Variants in SHROOM4 observed in about 807,000 individuals in gnomAD.
SHROOM4 encodes the protein shroom family member 4.
SHROOM4 carries 17 observed loss-of-function variants against 80.3 expected under a neutral mutation model. The ratio of observed to expected loss-of-function variants is 0.21; its 90% CI spans 0.14 to 0.32. The LOEUF is 0.32. Ranked by LOEUF, SHROOM4 falls within the 10% of genes least tolerant of loss-of-function variation. The pLI is 1.00. For synonymous variants in SHROOM4, 400 were observed against 437.5 expected (o/e 0.91, Z 1.07); for missense variants, 993 against 1,140.3 (o/e 0.87, Z 1.86).
chrX:50,647,269 T>C (rs1931876049), intron 2 of SHROOM4, among the ~76,000 whole-genome samples: 1 of 111,132 alleles, frequency 9.0e-6, no homozygotes, highest in Admixed American at 9.5e-5. Context: ...GGCAAAGAGG[T>C]GGATAGTGAA....
intron 5 of SHROOM4, among the ~76,000 whole-genome samples, chrX:50,626,863 G>C (rs782099812): frequency 5.9e-4 from 66 of 111,865 alleles, no homozygotes; most frequent in Non-Finnish European, 1.2e-3. Flanking sequence ...GCTTCCTGCT[G>C]TTCTTTTGCT....
intron 2 of SHROOM4, among the ~76,000 whole-genome samples, chrX:50,660,578 T>A: frequency 3.7e-5 from 1 of 26,708 alleles, no homozygotes; most frequent in Non-Finnish European, 6.4e-5. Context: ...CTCCCTCCCT[T>A]CCTCCCTCCC....
At position 50,735,637 on chromosome X, in the gene SHROOM4, G is replaced by GA. The variant is rs558876303; in HGVS notation, c.118-39701dup. On this transcript the variant is annotated intron_variant, in intron 1 of 8. Transcript: ENST00000376020. ...ATGATAAAGAGAAAAACAAGTCAAT[G>GA]AAAAAAAAACAGACAAAGGATATGA... Among the ~76,000 whole-genome samples the GA allele has an allele frequency of 8.8e-4, 94 of 106,644 alleles. 2 individuals carry two copies. The South Asian group carries it at 0.031, about 35-fold the overall frequency. 92.6% of individuals were successfully genotyped at this position (106,644 alleles called of 115,157 possible). A position where few individuals can be genotyped will look rare whatever the true frequency, so the allele number is the denominator to read the frequency against.
chrX:50,605,557 T>C (rs1225948090), intron 6 of SHROOM4, among the ~76,000 whole-genome samples: 1 of 112,555 alleles, frequency 8.9e-6, no homozygotes, highest in Non-Finnish European at 1.9e-5. Flanking sequence ...CAAAGGGAGC[T>C]ACACAAAGAA....
chrX:50,652,284 G>C (rs1378790169), intron 2 of SHROOM4, among the ~76,000 whole-genome samples: 1 of 112,240 alleles, frequency 8.9e-6, no homozygotes, highest in East Asian at 2.8e-4. Flanking sequence ...TCTAACTGGA[G>C]TGAGATGGTA....
chrX:50,618,028 G>T (rs1022456836), intron 5 of SHROOM4, among the ~76,000 whole-genome samples: 2 of 111,468 alleles, frequency 1.8e-5, no homozygotes, highest in Non-Finnish European at 3.8e-5. Context: ...CTGTCTTCCT[G>T]GCTTTAACAA....
chrX:50,585,821 A>C (rs2147188891), downstream of SHROOM4, among the ~76,000 whole-genome samples: 1 of 105,398 alleles, frequency 9.5e-6, no homozygotes, highest in Non-Finnish European at 1.9e-5. Flanking sequence ...TTGCTTCAAT[A>C]ACAGACTTGG....
At chrX:50,628,607 C>T (rs1602382412) in intron 4 of SHROOM4, among the ~76,000 whole-genome samples, 1 of 111,761 alleles carries the variant, frequency 8.9e-6, no homozygotes, top group East Asian at 2.8e-4. Flanking sequence ...TACCTTTGCC[C>T]CAGTAGGTCT....
intron 1 of SHROOM4, among the ~76,000 whole-genome samples, chrX:50,705,027 A>G (rs1557263843): frequency 1.8e-5 from 2 of 112,201 alleles, no homozygotes; most frequent in Non-Finnish European, 3.8e-5. Flanking sequence ...GTATGTTGCA[A>G]AAGCAATAAT....
chrX:50,658,317 A>G (rs1932381499), intron 2 of SHROOM4, among the ~76,000 whole-genome samples: 1 of 111,420 alleles, frequency 9.0e-6, no homozygotes, highest in African/African-American at 3.3e-5. Flanking sequence ...AATCTGGTAG[A>G]TACTCTGGAC....
At chrX:50,796,584 C>G (rs1936017047) in intron 1 of SHROOM4, among the ~76,000 whole-genome samples, 1 of 111,368 alleles carries the variant, frequency 9.0e-6, no homozygotes, top group Non-Finnish European at 1.9e-5. Context: ...GTCAGTCCAG[C>G]TTCCTCATTG....
intron 1 of SHROOM4, among the ~76,000 whole-genome samples, chrX:50,745,779 A>G (rs1193895541): frequency 9.0e-6 from 1 of 111,506 alleles, no homozygotes; most frequent in Non-Finnish European, 1.9e-5. Context: ...CTGCAACATA[A>G]AGTTGGGAGG....
At chrX:50,579,035 G>A in the SHROOM4 span, among the ~76,000 whole-genome samples, 2 of 111,838 alleles carry the variant, frequency 1.8e-5, no homozygotes, top group African/African-American at 3.2e-5. Flanking sequence ...GATGGGGAAG[G>A]TGTGGTGGAA....
At chrX:50,747,255 C>A (rs1234125903) in intron 1 of SHROOM4, among the ~76,000 whole-genome samples, 1 of 112,242 alleles carries the variant, frequency 8.9e-6, no homozygotes, top group African/African-American at 3.2e-5. Flanking sequence ...GGCTTTTCAT[C>A]TGTGTGGCAA....
At chrX:50,637,797 C>A (rs1325842926) in intron 3 of SHROOM4, among the ~76,000 whole-genome samples, 1 of 112,090 alleles carries the variant, frequency 8.9e-6, no homozygotes, top group African/African-American at 3.2e-5. Context: ...ACCAGTGAGT[C>A]GCCATTGACA....
intron 1 of SHROOM4, among the ~76,000 whole-genome samples, chrX:50,754,011 C>T (rs1235182216): frequency 5.4e-5 from 6 of 112,080 alleles, no homozygotes; most frequent in South Asian, 7.4e-4. Flanking sequence ...GCATACATAA[C>T]GCTTATCTCT....
chrX:50,743,474 G>C (rs1934709489), intron 1 of SHROOM4, among the ~76,000 whole-genome samples: 1 of 110,260 alleles, frequency 9.1e-6, no homozygotes, highest in African/African-American at 3.3e-5. Flanking sequence ...TTATGTTTTT[G>C]AGACAGGGCC....
chrX:50,664,591 A>T (rs1443612537), intron 2 of SHROOM4, among the ~76,000 whole-genome samples: 1 of 111,633 alleles, frequency 9.0e-6, no homozygotes, highest in African/African-American at 3.3e-5. Context: ...CAGCAAGGGA[A>T]ATGACAATAG....
intron 1 of SHROOM4, among the ~76,000 whole-genome samples, chrX:50,713,129 C>T (rs1008844453): frequency 1.8e-5 from 2 of 110,640 alleles, no homozygotes; most frequent in Non-Finnish European, 3.8e-5. Context: ...AGAAGCTGTC[C>T]GGGAGGGTTC....
Sources: allele counts gnomAD v4.1 joint callset (sites outside exome capture counted in the v4.1 genomes callset), GRCh38; gene constraint gnomAD v4.1.1; transcripts MANE v1.5; gene names NCBI Gene and HGNC (gene_info 2026-07-23, HGNC 2026-07-21).